The following ADH7 variants were observed in gnomAD, a reference collection of about 807,000 sequenced individuals.
The protein encoded by ADH7 is all-trans-retinol dehydrogenase [NAD(+)] ADH7.
ADH7 carries 41 observed loss-of-function variants against 34.4 expected under a neutral mutation model. That is an observed-to-expected ratio of 1.19 (90% CI 0.93 to 1.55). ADH7 has a LOEUF of 1.55. ADH7 is among the 40% of genes most tolerant of loss of function. The pLI, the probability that ADH7 is intolerant of heterozygous loss-of-function variation, is 0.00. For synonymous variants in ADH7, 180 were observed against 160.9 expected, an observed-to-expected ratio of 1.12 and a Z score of -0.90; for missense variants, 540 against 461.2, an observed-to-expected ratio of 1.17 and a Z score of -1.56.
At chr4:99,424,119 C>G (rs1721740015) in intron 5 of ADH7, among the ~76,000 whole-genome samples, 1 of 152,072 alleles carries the variant, frequency 6.6e-6, no homozygotes, top group South Asian at 2.1e-4. Context: ...TTCCCAGCAC[C>G]ATTTATTAAA....
At chr4:99,432,581 A>G (rs1374974536) in intron 1 of ADH7, 1 of 152,218 alleles carries the variant, frequency 6.6e-6, no homozygotes, top group East Asian at 1.9e-4. Flanking sequence ...AATATTAAAT[A>G]GATAAAAGTT....
At chr4:99,434,208 G>T (rs746543884) in intron 1 of ADH7, among the ~76,000 whole-genome samples, 2 of 152,134 alleles carry the variant, frequency 1.3e-5, no homozygotes, top group Non-Finnish European at 2.9e-5. Flanking sequence ...GGTGGTAAAA[G>T]TTGCAAATTT....
intron 1 of ADH7, 23 bp downstream of exon 1, chr4:99,435,193 G>A (rs1288090616): frequency 4.3e-6 from 7 of 1,611,304 alleles, no homozygotes; most frequent in Non-Finnish European, 5.9e-6. Context: ...ATGATGAGGA[G>A]GGGACAGAAA....
intron 5 of ADH7, among the ~76,000 whole-genome samples, chr4:99,421,912 C>T (rs1721672715): frequency 6.6e-6 from 1 of 152,212 alleles, no homozygotes. Context: ...AGCTCAACAT[C>T]ACTGATCATT....
intron 1 of ADH7, among the ~76,000 whole-genome samples, chr4:99,433,482 A>G (rs923207619): frequency 6.6e-6 from 1 of 152,122 alleles, no homozygotes; most frequent in East Asian, 1.9e-4. Context: ...GACCTTCCAA[A>G]TTTTCTAGAA....
intron 1 of ADH7, among the ~76,000 whole-genome samples, chr4:99,431,953 A>G (rs1283299672): frequency 6.6e-6 from 1 of 152,204 alleles, no homozygotes; most frequent in Non-Finnish European, 1.5e-5. Context: ...TGACCCAGCA[A>G]TCCCATTATT....
At chr4:99,425,389 A>G (rs1161278956) in intron 5 of ADH7, among the ~76,000 whole-genome samples, 1 of 152,050 alleles carries the variant, frequency 6.6e-6, no homozygotes, top group Non-Finnish European at 1.5e-5. Context: ...TGGAAAACAA[A>G]AAAAGGCAGG....
chr4:99,420,022 T>C (rs985756165), intron 6 of ADH7, among the ~76,000 whole-genome samples: 1 of 152,086 alleles, frequency 6.6e-6, no homozygotes, highest in Admixed American at 6.6e-5. Context: ...GCCATACAGG[T>C]GGCATGGTTA....
intron 6 of ADH7, among the ~76,000 whole-genome samples, chr4:99,419,732 T>A (rs1246647753): frequency 2.0e-5 from 3 of 152,166 alleles, no homozygotes; most frequent in Non-Finnish European, 2.9e-5. Flanking sequence ...GTATCACATA[T>A]GGCTTCAAAA....
At chr4:99,429,959 T>C (rs1325374614) in intron 1 of ADH7, among the ~76,000 whole-genome samples, 1 of 152,190 alleles carries the variant, frequency 6.6e-6, no homozygotes, top group Non-Finnish European at 1.5e-5. Context: ...CAAAAATAGG[T>C]TATTTTGTTA....
At chr4:99,419,529 A>T (rs1721600013) in intron 6 of ADH7, among the ~76,000 whole-genome samples, 2 of 152,270 alleles carry the variant, frequency 1.3e-5, no homozygotes, top group African/African-American at 4.8e-5. Flanking sequence ...AAAATACTAA[A>T]ATGTGGGACA....
intron 1 of ADH7, chr4:99,434,996 G>T: frequency 1.4e-6 from 2 of 1,429,948 alleles, no homozygotes; most frequent in Non-Finnish European, 1.9e-6. Context: ...CCAATGTCTT[G>T]CTGACATTGG....
At chr4:99,426,131 A>G (rs1721799152) in intron 5 of ADH7, among the ~76,000 whole-genome samples, 1 of 152,210 alleles carries the variant, frequency 6.6e-6, no homozygotes, top group African/African-American at 2.4e-5. Context: ...TTGACACCCT[A>G]ACATCACAAT....
chr4:99,414,347 A>T (rs1200850387), intron 8 of ADH7, among the ~76,000 whole-genome samples: 1 of 152,206 alleles, frequency 6.6e-6, no homozygotes, highest in East Asian at 1.9e-4. Flanking sequence ...AAAAATTTGG[A>T]TCTCAATATA....
At position 99,420,793 on chromosome 4, in the gene ADH7, C is replaced by T. The variant is rs747508493; in HGVS notation, c.565G>A (p.Val189Ile). The T allele has an allele frequency of 1.2e-6, 2 of 1,613,656 alleles. No individual in the cohort carries two copies. Among genetic ancestry groups the T allele is most frequent in the Non-Finnish European group, 1.7e-6 (2 of 1,179,808 alleles). ...GYGAAVKTGK[V>I]KPGSTCVVFG... ...ACGACGCAAGTGGAACCAGGTTTGA[C>T]CTGTGGAGAGGAATGTTCTTGAACA... The change falls in exon 6 of 9, where the codon GTC (valine) becomes ATC (isoleucine). Residue 189 changes from valine (V) to isoleucine (I), a missense_variant and splice_region_variant. Physicochemically the swap from Val to Ile is conservative, Grantham distance 29. Transcript: ENST00000437033.
At chr4:99,418,212 T>C (rs914556758) in intron 7 of ADH7, among the ~76,000 whole-genome samples, 5 of 152,220 alleles carry the variant, frequency 3.3e-5, no homozygotes, top group Admixed American at 2.6e-4. Context: ...GCACTTATTT[T>C]TATATTCTTT....
chr4:99,424,801 T>C (rs1023919182), intron 5 of ADH7, among the ~76,000 whole-genome samples: 48 of 152,152 alleles, frequency 3.2e-4, no homozygotes, highest in Admixed American at 4.6e-4. Flanking sequence ...TTTCTAGATA[T>C]ACAATCATGT....
chr4:99,430,172 A>G (rs2110140561), intron 1 of ADH7: 1 of 152,588 alleles, frequency 6.6e-6, no homozygotes, highest in East Asian at 1.9e-4. Context: ...AACATCATGA[A>G]GCATACAGAT....
At chr4:99,415,291 G>GTT (rs35672109) in intron 8 of ADH7, 187 bp downstream of exon 8, 3,142 of 560,316 alleles carry the variant, frequency 5.6e-3, no homozygotes, top group Middle Eastern at 9.3e-3. Context: ...GTCTCGGGCA[G>GTT]TTTTTTTTTT....
Sources: gnomAD v4.1 joint callset for allele counts (sites outside exome capture counted in the v4.1 genomes callset) on GRCh38, gnomAD v4.1.1 for gene constraint, MANE v1.5 for transcripts, NCBI Gene and HGNC (gene_info 2026-07-23, HGNC 2026-07-21) for gene names.